The following MOXD1 variants were observed in gnomAD, a reference collection of about 807,000 sequenced individuals.
MOXD1 encodes the protein monooxygenase DBH like 1, also known as DBH-like monooxygenase protein 1.
In MOXD1, 62 loss-of-function variants were observed where a neutral mutation model predicts 66.6. The ratio of observed to expected loss-of-function variants is 0.93; its 90% confidence interval spans 0.76 to 1.15. MOXD1 has a LOEUF of 1.15. MOXD1 is among the 50% of genes most tolerant of loss of function. MOXD1 has a pLI of 0.00. For synonymous variants in MOXD1, 303 were observed against 281.9 expected (o/e 1.07, Z -0.75); for missense variants, 847 against 754.6 (o/e 1.12, Z -1.44).
At chr6:132,383,151 A>G (rs1253287991) in intron 1 of MOXD1, among the ~76,000 whole-genome samples, 2 of 152,176 alleles carry the variant, frequency 1.3e-5, no homozygotes, top group Non-Finnish European at 2.9e-5. Flanking sequence ...TACTTCAAAC[A>G]TTTGTTTATA....
chr6:132,341,297 A>T (rs1330803213), intron 4 of MOXD1, among the ~76,000 whole-genome samples: 1 of 152,200 alleles, frequency 6.6e-6, no homozygotes. Flanking sequence ...GAATCGGACA[A>T]TAGCTTTCAC....
intron 2 of MOXD1, 94 bp from the exon 3 acceptor site, chr6:132,373,091 G>A: frequency 1.7e-6 from 2 of 1,209,656 alleles, no homozygotes; most frequent in Non-Finnish European, 2.3e-6. Flanking sequence ...ACAAGATATA[G>A]AAGTGAAGAA....
At chr6:132,340,641 T>A (rs866481914) in intron 4 of MOXD1, among the ~76,000 whole-genome samples, 27 of 74,602 alleles carry the variant, frequency 3.6e-4, no homozygotes, top group Middle Eastern at 6.4e-3. Flanking sequence ...AAGACTCATT[T>A]TTTTTTTTTT....
At chr6:132,320,279 C>G (rs573138411) in intron 9 of MOXD1, among the ~76,000 whole-genome samples, 1 of 152,056 alleles carries the variant, frequency 6.6e-6, no homozygotes, top group East Asian at 1.9e-4. Flanking sequence ...ATTCATTCTT[C>G]ATTTGGAAGT....
intron 4 of MOXD1, among the ~76,000 whole-genome samples, chr6:132,339,590 C>T (rs1775507195): frequency 6.6e-6 from 1 of 152,368 alleles, no homozygotes; most frequent in Admixed American, 6.5e-5. Context: ...AACTTCCGAG[C>T]TACATCTTTT....
At chr6:132,375,473 G>A (rs1230160127) in intron 1 of MOXD1, among the ~76,000 whole-genome samples, 3 of 152,140 alleles carry the variant, frequency 2.0e-5, no homozygotes, top group African/African-American at 7.2e-5. Flanking sequence ...CGCCCAGGCT[G>A]GAGTGCAATG....
At chr6:132,303,807 ATGTGTGTGTG>A (rs768465608) in intron 10 of MOXD1, among the ~76,000 whole-genome samples, 13 of 47,918 alleles carry the variant, frequency 2.7e-4, no homozygotes, top group African/African-American at 5.4e-4. Context: ...ATACACACAC[ATGTGTGTGTG>A]TGTGTGTGTG....
At chr6:132,316,185 A>G (rs1426073964) in intron 9 of MOXD1, among the ~76,000 whole-genome samples, 2 of 152,094 alleles carry the variant, frequency 1.3e-5, no homozygotes, top group Admixed American at 6.6e-5. Context: ...GGGGAGAAAG[A>G]TTTCATATTT....
chr6:132,401,090 G>C (rs1007929269), intron 1 of MOXD1, 73 bp downstream of exon 1: 1 of 1,389,898 alleles, frequency 7.2e-7, no homozygotes, highest in African/African-American at 1.5e-5. Flanking sequence ...GGGACGACCC[G>C]CACCTGCGCC....
chr6:132,341,756 T>C (rs572502186), intron 4 of MOXD1, among the ~76,000 whole-genome samples: 1 of 152,364 alleles, frequency 6.6e-6, no homozygotes, highest in African/African-American at 2.4e-5. Flanking sequence ...GCAACTTTGC[T>C]TATTTAAATC....
chr6:132,344,275 T>A (rs1775626098), intron 4 of MOXD1, among the ~76,000 whole-genome samples: 1 of 152,220 alleles, frequency 6.6e-6, no homozygotes, highest in South Asian at 2.1e-4. Context: ...ACTTGACAAC[T>A]TAATTAACTG....
chr6:132,342,163 C>T (rs1040134876), intron 4 of MOXD1, among the ~76,000 whole-genome samples: 4 of 152,116 alleles, frequency 2.6e-5, no homozygotes, highest in African/African-American at 9.7e-5. Context: ...CCACAACACC[C>T]AGCTAATTTT....
In MOXD1 at chr6:132,321,580, A is replaced by T. The variant is rs148829942; in HGVS notation, c.1306-892T>A. Among the ~76,000 whole-genome samples the T allele has an allele frequency of 2.3e-3, 351 of 152,244 alleles. 4 individuals are homozygous for T. Among genetic ancestry groups the T allele is most frequent in the Non-Finnish European group, 5.7e-4 (39 of 68,020 alleles). ...GGTAAGCAGATGAAGCTATTCATAG[A>T]CCTGAGGCCGTAATCTCTGGGCTTT... On this transcript the variant is annotated intron_variant, in intron 8 of 11. Coordinates refer to ENST00000367963, the MANE Select transcript of MOXD1 (RefSeq NM_015529.4).
intron 4 of MOXD1, among the ~76,000 whole-genome samples, chr6:132,357,967 AAAG>A (rs1775940755): frequency 6.6e-6 from 1 of 152,200 alleles, no homozygotes; most frequent in African/African-American, 2.4e-5. Flanking sequence ...CTGTTAGAGG[AAAG>A]AAGGATTACT....
At chr6:132,343,378 C>G (rs545327035) in intron 4 of MOXD1, among the ~76,000 whole-genome samples, 1 of 152,206 alleles carries the variant, frequency 6.6e-6, no homozygotes, top group South Asian at 2.1e-4. Flanking sequence ...AGTTCAAGAC[C>G]AGCCTGGCTA....
intron 4 of MOXD1, among the ~76,000 whole-genome samples, chr6:132,340,572 T>C (rs367889844): frequency 6.6e-6 from 1 of 150,912 alleles, no homozygotes; most frequent in Admixed American, 6.6e-5. Flanking sequence ...GGTTCTATAA[T>C]GTGCTTGAAA....
chr6:132,305,805 C>T (rs1774674893), intron 10 of MOXD1, among the ~76,000 whole-genome samples: 1 of 151,824 alleles, frequency 6.6e-6, no homozygotes. Context: ...CAGGAAGCAA[C>T]AACAACAGCA....
intron 4 of MOXD1, among the ~76,000 whole-genome samples, chr6:132,348,654 T>C (rs1048774191): frequency 2.6e-5 from 4 of 152,228 alleles, no homozygotes; most frequent in Non-Finnish European, 5.9e-5. Flanking sequence ...ATTTATTCCA[T>C]ATTGTATAAA....
chr6:132,303,835 G>GTATATATATATATATATA (rs1158339059), intron 10 of MOXD1, among the ~76,000 whole-genome samples: 4 of 47,542 alleles, frequency 8.4e-5, no homozygotes, highest in Non-Finnish European at 1.6e-4. Context: ...GTGTGTGTGT[G>GTATATATATATATATATA]TATATATATA....
Sources: allele counts gnomAD v4.1 joint callset (sites outside exome capture counted in the v4.1 genomes callset), GRCh38; gene constraint gnomAD v4.1.1; transcripts MANE v1.5; gene names NCBI Gene and HGNC (gene_info 2026-07-23, HGNC 2026-07-21).